NPAS4: variants seen among roughly 807,000 people sequenced by gnomAD.
The protein encoded by NPAS4 is neuronal PAS domain-containing protein 4.
In NPAS4, 10 loss-of-function variants were observed where a neutral mutation model predicts 64.0. The observed-to-expected ratio is 0.16, with a 90% CI of 0.10 to 0.26. NPAS4 has a LOEUF of 0.26. Ranked by LOEUF, NPAS4 falls within the 10% of genes least tolerant of loss-of-function variation. NPAS4 has a pLI of 1.00. For synonymous variants in NPAS4, 441 were observed against 411.7 expected, an observed-to-expected ratio of 1.07 and a Z score of -0.86; for missense variants, 886 against 992.6, an observed-to-expected ratio of 0.89 and a Z score of 1.44.
intron 7 of NPAS4, 99 bp downstream of exon 7, chr11:66,425,369 T>C (rs1251828582): frequency 1.6e-6 from 1 of 614,662 alleles, no homozygotes; most frequent in African/African-American, 1.9e-5. Context: ...GTACATTGAT[T>C]TTATTAAGGG....
chr11:66,411,475 G>A, the NPAS4 span, among the ~76,000 whole-genome samples: 1,685 of 152,294 alleles, frequency 0.011, 21 homozygotes, highest in Middle Eastern at 0.017. Context: ...AACATAATCC[G>A]CTGACATCTA....
upstream of NPAS4, among the ~76,000 whole-genome samples, chr11:66,419,598 C>A (rs960399446): frequency 6.6e-6 from 1 of 150,842 alleles, no homozygotes; most frequent in African/African-American, 2.4e-5. Context: ...CCCTAGCCCA[C>A]TTGCTTCTTG....
chr11:66,415,322 C>T, the NPAS4 span, among the ~76,000 whole-genome samples: 3 of 152,104 alleles, frequency 2.0e-5, no homozygotes, highest in African/African-American at 7.2e-5. Flanking sequence ...TTCTCCATGG[C>T]CTTTGGAACA....
chr11:66,423,956 T>C lies in NPAS4; in HGVS notation c.1066T>C (p.Cys356Arg). The C allele has an allele frequency of 6.2e-7, 1 of 1,613,920 alleles. No homozygotes were observed. The highest frequency in any genetic ancestry group is 8.5e-7 in the Non-Finnish European group (1 of 1,179,972). ...FPENILSQEE[C>R]SSTNPLFTAA... ...TGAAAACATTCTTTCCCAGGAAGAG[T>C]GCTCCAGCACTAACCCACTCTTCAC... The change falls in exon 7 of 8, where the codon TGC (cysteine) becomes CGC (arginine). Residue 356 changes from cysteine (C) to arginine (R), a missense_variant. Coordinates refer to ENST00000311034, the MANE Select transcript of NPAS4 (RefSeq NM_178864.4).
At position 66,424,386 on chromosome 11, in the gene NPAS4, A is replaced by C. The variant is rs577862845; in HGVS notation, c.1496A>C (p.Asp499Ala). The C allele has an allele frequency of 6.2e-7, 1 of 1,613,982 alleles. No individual in the cohort carries two copies. Among genetic ancestry groups the C allele is most frequent in the Non-Finnish European group, 8.5e-7 (1 of 1,179,956 alleles). ...LTETSVRSYEDQLTPCTSTFP... is the reference protein window; with the variant it reads ...LTETSVRSYEAQLTPCTSTFP... Reference sequence around the variant, plus strand: ...GAAACCTCGGTCAGAAGCTATGAAGACCAGTTGACTCCCTGCACCTCCACC... The same window carrying C: ...GAAACCTCGGTCAGAAGCTATGAAGCCCAGTTGACTCCCTGCACCTCCACC... The change falls in exon 7 of 8, where the codon GAC becomes GCC. Residue 499 changes from aspartate to alanine, a missense_variant. Coordinates refer to ENST00000311034, the MANE Select transcript of NPAS4 (RefSeq NM_178864.4).
Position 66,426,283 on chromosome 11 carries a change from G to C in NPAS4, c.*294G>C. 2.7e-6 allele frequency: 1 copy of C among 364,450 alleles called. No individual in the cohort carries two copies. Among genetic ancestry groups the C allele is most frequent in the Admixed American group, 4.1e-5 (1 of 24,530 alleles). The allele number at this position is 364,450 out of a possible 1,614,324, so 22.6% of individuals were successfully genotyped here. A position where few individuals can be genotyped will look rare whatever the true frequency, so the allele number is the denominator to read the frequency against. On this transcript the variant is annotated 3_prime_UTR_variant, in exon 8 of 8. Coordinates refer to ENST00000311034, the MANE Select transcript of NPAS4 (RefSeq NM_178864.4). ...GAGAATGGGGGAGTCTCACTTCCCC[G>C]CCGCCTTGCCCCATTGGCCTGGGCC...
rs1856838269 is a variant in NPAS4 at position 66,426,347 on chromosome 11, G to C, written c.*358G>C. ...TAGGGGCCAAGCCACCCCTAGCCTTGGTGGGGGAAAGGCAGGGCCCACCCG... is the reference window on the plus strand; with the variant it reads ...TAGGGGCCAAGCCACCCCTAGCCTTCGTGGGGGAAAGGCAGGGCCCACCCG... On this transcript the variant is annotated 3_prime_UTR_variant, in exon 8 of 8. Coordinates refer to ENST00000311034, the MANE Select transcript of NPAS4 (RefSeq NM_178864.4). 4.6e-6 allele frequency: 1 copy of C among 217,178 alleles called. No homozygotes were observed. Among genetic ancestry groups the C allele is most frequent in the Admixed American group, 5.3e-5 (1 of 18,768 alleles). 13.5% of individuals were successfully genotyped at this position (217,178 alleles called of 1,614,324 possible).
chr11:66,409,195 G>A, the NPAS4 span: 1 of 151,558 alleles, frequency 6.6e-6, no homozygotes, highest in East Asian at 2.0e-4. Flanking sequence ...CCAGAGCCTG[G>A]GAGCTGCCCC....
rs757301709 is a variant in NPAS4 at position 66,422,876 on chromosome 11, G to A, written c.633G>A (p.Ser211=). 8.7e-6 allele frequency: 14 copies of A among 1,611,192 alleles called. No homozygotes were observed. The Admixed American group carries it at 1.8e-4, about 21-fold the overall frequency. ...PGPGPGPGPA[S]LFLAMFQSRH... Reference sequence around the variant, plus strand: ...CTGGCCCTGGCCCTGGCCCTGCCTCGCTCTTCCTGGCCATGTTCCAGAGCC... The same window carrying A: ...CTGGCCCTGGCCCTGGCCCTGCCTCACTCTTCCTGGCCATGTTCCAGAGCC... Residue 211 remains serine (S), a synonymous_variant, in exon 4 of 8, where the codon TCG becomes TCA. Coordinates refer to ENST00000311034, the MANE Select transcript of NPAS4 (RefSeq NM_178864.4).
In NPAS4 at chr11:66,424,338, G is replaced by T; in HGVS notation, c.1448G>T (p.Ser483Ile). Residue 483 changes from serine to isoleucine, a missense_variant, in exon 7 of 8, where the codon AGC (serine) becomes ATC (isoleucine). Coordinates refer to ENST00000311034, the MANE Select transcript of NPAS4 (RefSeq NM_178864.4). ...GCAACCTTCCCAGATCCACTAACTA[G>T]CCCACTGCAAGGCCAGTTGACTGAA... ...SSATFPDPLT[S>I]PLQGQLTETS... 1 of 1,614,036 alleles carries T rather than the reference G, an allele frequency of 6.2e-7. No individual in the cohort carries two copies. Among genetic ancestry groups the T allele is most frequent in the Non-Finnish European group, 8.5e-7 (1 of 1,180,000 alleles).
chr11:66,424,148 C>T lies in NPAS4; in HGVS notation c.1258C>T (p.Leu420Phe). ...TCTCCAAGCAGAACTAAGCAAGGAT[C>T]TTGTGTGCACTCCACCTTACACGCC... Reference protein sequence around the residue: ...PSLQAELSKDLVCTPPYTPHQ... With the variant: ...PSLQAELSKDFVCTPPYTPHQ... The change falls in exon 7 of 8, where the codon CTT becomes TTT. Residue 420 changes from leucine (L) to phenylalanine (F), a missense_variant. Leu to Phe is a conservative substitution (Grantham distance 22, BLOSUM62 0). Around this residue, in one of 3 missense-constraint regions of NPAS4, gnomAD observed 820 missense variants for 855.5 expected, o/e 0.96. Coordinates refer to ENST00000311034, the MANE Select transcript of NPAS4 (RefSeq NM_178864.4). 6.2e-7 allele frequency: 1 copy of T among 1,614,100 alleles called. No individual in the cohort carries two copies. Among genetic ancestry groups the T allele is most frequent in the Non-Finnish European group, 8.5e-7 (1 of 1,180,012 alleles).
intron 1 of NPAS4, 91 bp from the exon 2 acceptor site, chr11:66,422,029 C>T (rs1856752118): frequency 8.3e-7 from 1 of 1,205,384 alleles, no homozygotes; most frequent in African/African-American, 1.5e-5. Flanking sequence ...AGAAATTCCT[C>T]TGGATTCTCT....
At chr11:66,420,872 G>A (rs1856730231), upstream of NPAS4, 1 of 348,248 alleles carries the variant, frequency 2.9e-6, no homozygotes, top group African/African-American at 2.1e-5. Flanking sequence ...TACGTCATGA[G>A]ATGACGTCGG....
At chr11:66,423,510 G>A (rs1479921015) in intron 5 of NPAS4, 68 bp from the exon 6 acceptor site, 3 of 1,585,612 alleles carry the variant, frequency 1.9e-6, no homozygotes, top group Middle Eastern at 2.2e-4. Flanking sequence ...GTGGAGAGGT[G>A]ACCAAGGGTG....
rs753539327 is a variant in NPAS4 at position 66,423,822 on chromosome 11, C to T, written c.945-13C>T. 3 of 1,603,280 alleles carry T rather than the reference C, an allele frequency of 1.9e-6. No individual in the cohort carries two copies. Among genetic ancestry groups the T allele is most frequent in the Non-Finnish European group, 2.6e-6 (3 of 1,173,836 alleles). ...GTCGGACCCTTACCAGCTGCCTCTT[C>T]TCTCCTCTCCAGTGACATGGAAGCC... On this transcript the variant is annotated splice_polypyrimidine_tract_variant and intron_variant, in intron 6 of 7. Transcript: ENST00000311034.
Position 66,424,849 on chromosome 11 carries a change from G to A in NPAS4, c.1959G>A (p.Glu653=). The change falls in exon 7 of 8, where the codon GAG becomes GAA. Residue 653 remains glutamate, a synonymous_variant. Coordinates refer to ENST00000311034, the MANE Select transcript of NPAS4 (RefSeq NM_178864.4). ...GCATGGACAGACCCTTCTCAGCTGA[G>A]GCTGGCACTGGCGGACTAGAGCCAC... ...AQGMDRPFSA[E]AGTGGLEPLG... 6.2e-7 allele frequency: 1 copy of A among 1,612,938 alleles called. No homozygotes were observed. Among genetic ancestry groups the A allele is most frequent in the Admixed American group, 1.7e-5 (1 of 59,872 alleles).
chr11:66,411,437 T>C, the NPAS4 span, among the ~76,000 whole-genome samples: 1 of 152,188 alleles, frequency 6.6e-6, no homozygotes, highest in African/African-American at 2.4e-5. Context: ...CTTCTGCTGC[T>C]CCTATTCAGA....
chr11:66,421,267 G>C lies in NPAS4; in HGVS notation c.88G>C (p.Ala30Pro). 6.2e-7 allele frequency: 1 copy of C among 1,614,112 alleles called. No individual in the cohort carries two copies. Among genetic ancestry groups the C allele is most frequent in the Non-Finnish European group, 8.5e-7 (1 of 1,179,964 alleles). ...GAACCTCAAGGAGCTGCTGCCGCTG[G>C]CCGAAGCGGACAAGGTCCGGCTGTC... Reference protein sequence around the residue: ...IRNLKELLPLAEADKVRLSYL... With the variant: ...IRNLKELLPLPEADKVRLSYL... The change falls in exon 1 of 8, where the codon GCC becomes CCC. Residue 30 changes from alanine (A) to proline (P), a missense_variant. By Grantham distance (27) the Ala-to-Pro change is conservative. Transcript: ENST00000311034.
At chr11:66,412,816 G>A in the NPAS4 span, among the ~76,000 whole-genome samples, 68 of 152,168 alleles carry the variant, frequency 4.5e-4, 1 homozygote, top group Middle Eastern at 3.4e-3. Context: ...CTCCTCCCCC[G>A]CCACCCTCTC....
Sources: allele counts gnomAD v4.1 joint callset (sites outside exome capture counted in the v4.1 genomes callset), GRCh38; gene constraint gnomAD v4.1.1; regional missense constraint gnomAD v4.1.1; transcripts MANE v1.5; gene names NCBI Gene and HGNC (gene_info 2026-07-23, HGNC 2026-07-21).